The following ZNRF2 variants were observed in gnomAD, a reference collection of about 807,000 sequenced individuals.
The protein encoded by ZNRF2 is E3 ubiquitin-protein ligase ZNRF2.
A neutral mutation model predicts 20.4 loss-of-function variants in ZNRF2; 16 were observed. The observed-to-expected ratio is 0.79, with a 90% CI of 0.53 to 1.19. The LOEUF is 1.19. ZNRF2 is among the 50% of genes most tolerant of loss of function. The probability of loss-of-function intolerance (pLI) is 0.00; values close to 1 mark genes in which losing one functional copy is unlikely to be tolerated. For missense variants in ZNRF2, 363 were observed against 332.4 expected (o/e 1.09, Z -0.72); for synonymous variants, 178 against 144.9 (o/e 1.23, Z -1.64).
At chr7:30,319,106 C>T (rs934308773) in intron 1 of ZNRF2, among the ~76,000 whole-genome samples, 6 of 147,174 alleles carry the variant, frequency 4.1e-5, no homozygotes, top group Admixed American at 6.6e-5. Flanking sequence ...AGCGAAACTC[C>T]GTCTCAAAAA....
At chr7:30,307,473 T>A (rs566257631) in intron 1 of ZNRF2, among the ~76,000 whole-genome samples, 1 of 151,866 alleles carries the variant, frequency 6.6e-6, no homozygotes, top group African/African-American at 2.4e-5. Context: ...CTCTGTAAGA[T>A]GTTTGTTCTG....
intron 4 of ZNRF2, among the ~76,000 whole-genome samples, chr7:30,364,835 T>A (rs989484405): frequency 6.6e-6 from 1 of 152,198 alleles, no homozygotes; most frequent in Non-Finnish European, 1.5e-5. Context: ...GATGAGTAAT[T>A]TATACATGAC....
intron 1 of ZNRF2, among the ~76,000 whole-genome samples, chr7:30,309,859 T>C (rs1799265720): frequency 6.6e-6 from 1 of 152,212 alleles, no homozygotes; most frequent in African/African-American, 2.4e-5. Context: ...TAAAAAGTTT[T>C]AGGGTATGGA....
intron 3 of ZNRF2, among the ~76,000 whole-genome samples, chr7:30,358,594 C>G (rs146750133): frequency 6.2e-4 from 95 of 152,222 alleles, no homozygotes; most frequent in African/African-American, 2.2e-3. Flanking sequence ...AGTGAAGGGC[C>G]AAGAACAGTT....
intron 2 of ZNRF2, among the ~76,000 whole-genome samples, chr7:30,326,069 A>G (rs945517759): frequency 6.6e-6 from 1 of 152,136 alleles, no homozygotes; most frequent in African/African-American, 2.4e-5. Flanking sequence ...CAGTCTTAGT[A>G]TTCTGTATGT....
chr7:30,359,536 C>T (rs137987764), intron 3 of ZNRF2, among the ~76,000 whole-genome samples: 1 of 148,296 alleles, frequency 6.7e-6, no homozygotes, highest in Non-Finnish European at 1.5e-5. Context: ...TCTGCTTCAT[C>T]AGATAACAGC....
intron 2 of ZNRF2, among the ~76,000 whole-genome samples, chr7:30,344,544 A>G (rs964974834): frequency 6.6e-6 from 1 of 151,726 alleles, no homozygotes; most frequent in African/African-American, 2.4e-5. Context: ...ATACTTTTTG[A>G]CACCTAGTTA....
chr7:30,299,384 A>T (rs1228915977), intron 1 of ZNRF2, among the ~76,000 whole-genome samples: 1 of 151,334 alleles, frequency 6.6e-6, no homozygotes, highest in African/African-American at 2.4e-5. Context: ...GCGCCATGGC[A>T]CTCCAGCCTG....
intron 2 of ZNRF2, among the ~76,000 whole-genome samples, chr7:30,340,987 G>A (rs1799787050): frequency 6.6e-6 from 1 of 152,122 alleles, no homozygotes; most frequent in Non-Finnish European, 1.5e-5. Context: ...CTGTGTCCAG[G>A]AATTTATCCA....
intron 3 of ZNRF2, 75 bp from the exon 4 acceptor site, chr7:30,362,302 T>C: frequency 8.0e-6 from 8 of 1,004,252 alleles, no homozygotes; most frequent in Non-Finnish European, 1.1e-5. Context: ...TAAAGTCAAG[T>C]ATTTTTACTG....
At chr7:30,347,752 G>C (rs766875025) in intron 2 of ZNRF2, among the ~76,000 whole-genome samples, 1 of 151,974 alleles carries the variant, frequency 6.6e-6, no homozygotes, top group Non-Finnish European at 1.5e-5. Context: ...CACACTTGCT[G>C]TTTCTTGATT....
intron 3 of ZNRF2, among the ~76,000 whole-genome samples, chr7:30,358,157 A>T (rs1471569008): frequency 6.6e-6 from 1 of 152,212 alleles, no homozygotes; most frequent in African/African-American, 2.4e-5. Flanking sequence ...TTAATGATTT[A>T]AAAATAAAAG....
At chr7:30,332,428 A>G (rs1799648022) in intron 2 of ZNRF2, among the ~76,000 whole-genome samples, 5 of 152,278 alleles carry the variant, frequency 3.3e-5, no homozygotes, top group East Asian at 1.9e-4. Context: ...ACATTGATCT[A>G]TTGTGTAATG....
chr7:30,365,549 T>G lies in ZNRF2; in HGVS notation c.*23-486T>G, dbSNP rs950174793. ...TGTACATTTTTGCTTCTGTCCTGAC[T>G]GTTCTTATTTATCAAGTGATAAATT... On this transcript the variant is annotated intron_variant, in intron 4 of 4. Transcript: ENST00000323037. 2.6e-5 allele frequency among the ~76,000 whole-genome samples: 4 copies of G among 152,180 alleles called. No homozygotes were observed. In the South Asian group the frequency reaches 6.2e-4, roughly 24 times the overall value.
intron 2 of ZNRF2, among the ~76,000 whole-genome samples, chr7:30,343,281 C>A (rs997773832): frequency 6.6e-6 from 1 of 152,028 alleles, no homozygotes; most frequent in Non-Finnish European, 1.5e-5. Context: ...CACCACTACA[C>A]CTCAGCCTGG....
chr7:30,292,258 G>C lies in ZNRF2; in HGVS notation c.469+6432G>C, dbSNP rs111516589. Among the ~76,000 whole-genome samples, 161 of 152,244 alleles carry C rather than the reference G, an allele frequency of 1.1e-3. 1 individual carries two copies. The highest frequency in any genetic ancestry group is 3.4e-3 in the Middle Eastern group (1 of 294). On this transcript the variant is annotated intron_variant, in intron 1 of 4. Coordinates refer to ENST00000323037, the MANE Select transcript of ZNRF2 (RefSeq NM_147128.4). The stretch of plus-strand genomic sequence containing the variant: ...AAAAATGTATTTTAATTTCCCATAT[G>C]ATTTCTTCTTGATCCATGGGTTACA...
intron 2 of ZNRF2, among the ~76,000 whole-genome samples, chr7:30,330,402 C>A (rs772065004): frequency 6.6e-6 from 1 of 152,138 alleles, no homozygotes; most frequent in Non-Finnish European, 1.5e-5. Flanking sequence ...GCAATTTGTT[C>A]TGTAATAAAA....
At chr7:30,332,646 T>C (rs1036729877) in intron 2 of ZNRF2, among the ~76,000 whole-genome samples, 2 of 152,204 alleles carry the variant, frequency 1.3e-5, no homozygotes, top group Non-Finnish European at 2.9e-5. Flanking sequence ...TGTTTCTGCG[T>C]TAATTTACTT....
chr7:30,345,244 T>A (rs1393331180), intron 2 of ZNRF2, among the ~76,000 whole-genome samples: 1 of 152,142 alleles, frequency 6.6e-6, no homozygotes, highest in East Asian at 1.9e-4. Context: ...CATTTTCTAT[T>A]TATTTTTCTC....
Sources: gnomAD v4.1 joint callset for allele counts (sites outside exome capture counted in the v4.1 genomes callset) on GRCh38, gnomAD v4.1.1 for gene constraint, MANE v1.5 for transcripts, NCBI Gene and HGNC (gene_info 2026-07-23, HGNC 2026-07-21) for gene names.